PPME1: variants seen among roughly 807,000 people sequenced by gnomAD.
PPME1 encodes the protein testicular secretory protein Li 39.
In PPME1, 17 loss-of-function variants were observed where a neutral mutation model predicts 56.9. The observed-to-expected ratio is 0.30, with a 90% CI of 0.20 to 0.45. The LOEUF is 0.45. PPME1 is among the 20% of genes least tolerant of loss of function. The pLI, the probability that PPME1 is intolerant of heterozygous loss-of-function variation, is 1.00. For missense variants in PPME1, 357 were observed against 483.2 expected (o/e 0.74, Z 2.45); for synonymous variants, 122 against 156.2 (o/e 0.78, Z 1.63).
Position 74,230,190 on chromosome 11 carries a change from AT to A in PPME1, c.399-50del. On this transcript the variant is annotated intron_variant, in intron 5 of 13. Coordinates refer to ENST00000328257, the MANE Select transcript of PPME1 (RefSeq NM_016147.3). This position sits in a 1 kb window ranked among gnomAD's most constrained non-coding sequence, Gnocchi z 4.9. ...AAGAAAGGAACTGGGAAAGAAAACC[AT>A]TTTTACAGTGTTGTCAGAAAGCATT... is the stretch of plus-strand genomic sequence containing the variant. 1 of 1,547,262 alleles carries A rather than the reference AT, an allele frequency of 6.5e-7. No individual in the cohort carries two copies. The highest frequency in any genetic ancestry group is 8.7e-7 in the Non-Finnish European group (1 of 1,148,094).
intron 1 of PPME1, among the ~76,000 whole-genome samples, chr11:74,175,183 T>C (rs1311218592): frequency 6.6e-6 from 1 of 152,182 alleles, no homozygotes; most frequent in Admixed American, 6.5e-5. Context: ...CCATTCATTA[T>C]TCAACGTGTT....
intron 1 of PPME1, among the ~76,000 whole-genome samples, chr11:74,203,122 G>A (rs972232973): frequency 2.0e-5 from 3 of 151,980 alleles, no homozygotes; most frequent in African/African-American, 4.8e-5. Flanking sequence ...TATTACAAAC[G>A]ATGTTTCATT....
intron 10 of PPME1, 73 bp downstream of exon 10, chr11:74,246,278 CA>C: frequency 1.5e-6 from 2 of 1,352,428 alleles, no homozygotes; most frequent in South Asian, 1.6e-5. Flanking sequence ...GTGGCTTAAA[CA>C]ACAGAAATTT....
intron 1 of PPME1, among the ~76,000 whole-genome samples, chr11:74,186,576 T>C (rs1415377570): frequency 2.0e-5 from 3 of 152,144 alleles, no homozygotes; most frequent in African/African-American, 4.8e-5. Context: ...AGAGGCTTGG[T>C]GTAGAAATTA....
At chr11:74,183,051 C>T (rs2135595443) in intron 1 of PPME1, among the ~76,000 whole-genome samples, 1 of 151,242 alleles carries the variant, frequency 6.6e-6, no homozygotes, top group East Asian at 2.0e-4. Flanking sequence ...AATCCCAGCA[C>T]TTTTGGAGTT....
Position 74,235,745 on chromosome 11 carries a change from A to C in PPME1, c.645-156A>C, listed in dbSNP as rs76717847. On this transcript the variant is annotated intron_variant, in intron 7 of 13. Transcript: ENST00000328257. ...TTTTTACTTATAAAACCATGTAGCCAGGTGAGTAATAGTGGCAATCTCTAT... is the reference window on the plus strand; with the variant it reads ...TTTTTACTTATAAAACCATGTAGCCCGGTGAGTAATAGTGGCAATCTCTAT... The C allele has an allele frequency of 9.9e-4, 1,161 of 1,168,460 alleles. 22 individuals carry two copies. The East Asian group carries it at 0.027, about 27-fold the overall frequency. 72.4% of individuals were successfully genotyped at this position (1,168,460 alleles called of 1,614,324 possible).
intron 3 of PPME1, among the ~76,000 whole-genome samples, chr11:74,210,624 C>T (rs1256875755): frequency 6.6e-6 from 1 of 152,122 alleles, no homozygotes; most frequent in Non-Finnish European, 1.5e-5. Context: ...GATCTGACAT[C>T]TCCCTCCCCT....
chr11:74,214,836 C>T (rs896650803), intron 3 of PPME1, among the ~76,000 whole-genome samples: 5 of 152,128 alleles, frequency 3.3e-5, no homozygotes, highest in Non-Finnish European at 7.3e-5. Flanking sequence ...GTAGTTCTTG[C>T]ATCTGAAAGA....
At chr11:74,248,612 A>G (rs549191881) in intron 11 of PPME1, 24 of 152,234 alleles carry the variant, frequency 1.6e-4, no homozygotes, top group Non-Finnish European at 3.2e-4. Context: ...TTTTTTTTCC[A>G]TGGCACTGAT....
intron 3 of PPME1, among the ~76,000 whole-genome samples, chr11:74,218,006 A>G (rs1425375711): frequency 2.0e-5 from 3 of 152,198 alleles, no homozygotes; most frequent in Non-Finnish European, 4.4e-5. Flanking sequence ...TTTGCAGATG[A>G]TATGAACTTA....
At position 74,225,239 on chromosome 11, in the gene PPME1, T is replaced by C; in HGVS notation, c.381T>C (p.Ser127=). 6.4e-7 allele frequency: 1 copy of C among 1,571,292 alleles called. No individual in the cohort carries two copies. Among genetic ancestry groups the C allele is most frequent in the Non-Finnish European group, 8.7e-7 (1 of 1,155,674 alleles). Residue 127 remains serine, a synonymous_variant, in exon 5 of 14, where the codon TCT becomes TCC. Coordinates refer to ENST00000328257, the MANE Select transcript of PPME1 (RefSeq NM_016147.3). ...AGGTCAAGAATCCTGAAGATCTGTC[T>C]GCAGAAACAATGGCAAAGTAAGTAA... ...ETKVKNPEDL[S]AETMAKDVGN...
At chr11:74,243,751 ATCTTTT>A (rs138087332) in intron 9 of PPME1, among the ~76,000 whole-genome samples, 2,678 of 151,272 alleles carry the variant, frequency 0.018, 75 homozygotes, top group African/African-American at 0.062. Flanking sequence ...CCATCTGGCG[ATCTTTT>A]TCTTTTTCTT....
Position 74,214,217 on chromosome 11 carries a change from CTT to C in PPME1, c.289-8094_289-8093del, listed in dbSNP as rs1319665450. On this transcript the variant is annotated intron_variant, in intron 3 of 13. Transcript: ENST00000328257. ...CATAATAAAGAATGCATCAGAGTCTCTTAACATATTTGATGAGGCAGAAGTAA... is the reference window on the plus strand; with the variant it reads ...CATAATAAAGAATGCATCAGAGTCTCAACATATTTGATGAGGCAGAAGTAA... 7.9e-5 allele frequency among the ~76,000 whole-genome samples: 12 copies of C among 152,230 alleles called. No homozygotes were observed. In the East Asian group the frequency reaches 1.3e-3, roughly 17 times the overall value.
chr11:74,193,501 G>A (rs1439412478), intron 1 of PPME1, among the ~76,000 whole-genome samples: 1 of 152,166 alleles, frequency 6.6e-6, no homozygotes, highest in Admixed American at 6.5e-5. Context: ...ACTGAAATTT[G>A]AAACCCTTCT....
chr11:74,180,883 T>G (rs1175561577), intron 1 of PPME1, among the ~76,000 whole-genome samples: 1 of 152,186 alleles, frequency 6.6e-6, no homozygotes, highest in South Asian at 2.1e-4. Context: ...TCACCAAGTT[T>G]AGGGACCAGA....
intron 3 of PPME1, among the ~76,000 whole-genome samples, chr11:74,211,562 C>T (rs1858475850): frequency 6.6e-6 from 1 of 152,020 alleles, no homozygotes; most frequent in Non-Finnish European, 1.5e-5. Context: ...TTAAAGCAGG[C>T]CTTCTTAAAC....
chr11:74,235,716 T>G, intron 7 of PPME1, 185 bp from the exon 8 acceptor site: 1 of 929,146 alleles, frequency 1.1e-6, no homozygotes, highest in South Asian at 1.9e-5. Context: ...ATGTTTTTAC[T>G]TAATTTTTAC....
chr11:74,251,319 G>C, intron 12 of PPME1: 1 of 1,360,592 alleles, frequency 7.3e-7, no homozygotes, highest in Non-Finnish European at 9.5e-7. Context: ...GGATGATTAG[G>C]GTAGAAACTG....
intron 5 of PPME1, among the ~76,000 whole-genome samples, chr11:74,225,953 T>G (rs191630135): frequency 6.6e-6 from 1 of 152,326 alleles, no homozygotes; most frequent in Non-Finnish European, 1.5e-5. Context: ...CTAGCCACTC[T>G]GCTTTAATAC....
Sources: allele counts gnomAD v4.1 joint callset (sites outside exome capture counted in the v4.1 genomes callset), GRCh38; gene constraint gnomAD v4.1.1; non-coding constraint Gnocchi (gnomAD v3.1); transcripts MANE v1.5; gene names NCBI Gene and HGNC (gene_info 2026-07-23, HGNC 2026-07-21).